Variants in NELL1 observed in about 807,000 individuals in gnomAD.
The protein encoded by NELL1 is neural EGFL like 1, also known as protein kinase C-binding protein NELL1.
NELL1 carries 76 observed loss-of-function variants against 107.4 expected under a neutral mutation model. The ratio of observed to expected loss-of-function variants is 0.71; its 90% CI spans 0.59 to 0.86. NELL1 has a LOEUF of 0.86. Among genes scored for constraint, NELL1 ranks in the 40% least tolerant of loss-of-function variants. The pLI, the probability that NELL1 is intolerant of heterozygous loss-of-function variation, is 0.00. For synonymous variants in NELL1, 353 were observed against 341.2 expected, an observed-to-expected ratio of 1.03 and a Z score of -0.38; for missense variants, 1,024 against 1,005.5, an observed-to-expected ratio of 1.02 and a Z score of -0.25.
intron 13 of NELL1, among the ~76,000 whole-genome samples, chr11:21,167,068 A>G (rs1465867166): frequency 1.3e-5 from 2 of 151,880 alleles, no homozygotes; most frequent in African/African-American, 2.4e-5. Flanking sequence ...GACTCAAGCA[A>G]CTGAAAAGTC....
chr11:20,962,407 A>G (rs968068789), intron 12 of NELL1, among the ~76,000 whole-genome samples: 1 of 152,174 alleles, frequency 6.6e-6, no homozygotes, highest in African/African-American at 2.4e-5. Flanking sequence ...ACGTCGAACA[A>G]TTATAAAAAT....
At chr11:20,966,233 C>T (rs2134222407) in intron 12 of NELL1, among the ~76,000 whole-genome samples, 1 of 152,110 alleles carries the variant, frequency 6.6e-6, no homozygotes, top group African/African-American at 2.4e-5. Context: ...TGGTGAGGGC[C>T]CTTTTGATTC....
chr11:21,512,400 G>A (rs551157477), intron 15 of NELL1, among the ~76,000 whole-genome samples: 1 of 152,178 alleles, frequency 6.6e-6, no homozygotes, highest in African/African-American at 2.4e-5. Context: ...TGTCATCCAA[G>A]GATTTTATTG....
At chr11:20,678,739 G>A (rs1854122764) in intron 2 of NELL1, among the ~76,000 whole-genome samples, 2 of 152,112 alleles carry the variant, frequency 1.3e-5, no homozygotes, top group Admixed American at 6.5e-5. Flanking sequence ...GGGATGGAAA[G>A]GCAGAAAAAT....
At position 20,762,776 on chromosome 11, in the gene NELL1, T is replaced by A. The variant is rs190856078; in HGVS notation, c.185-20904T>A. ...GTGGTTGATCAAAATATTGCTTTCCTGTTTTTTACATTTTTGTCTTTTTTA... is the reference window on the plus strand; with the variant it reads ...GTGGTTGATCAAAATATTGCTTTCCAGTTTTTTACATTTTTGTCTTTTTTA... On this transcript the variant is annotated intron_variant, in intron 2 of 19. Transcript: ENST00000357134. 1.8e-4 allele frequency among the ~76,000 whole-genome samples: 26 copies of A among 147,584 alleles called. 1 individual carries two copies. The East Asian group carries it at 4.2e-3, about 24-fold the overall frequency.
intron 13 of NELL1, among the ~76,000 whole-genome samples, chr11:21,120,380 AAT>A (rs796987084): frequency 9.8e-5 from 15 of 152,300 alleles, no homozygotes; most frequent in African/African-American, 3.4e-4. Context: ...AATATTTTCA[AAT>A]ATGAGATATC....
intron 3 of NELL1, among the ~76,000 whole-genome samples, chr11:20,846,501 C>G (rs546822882): frequency 3.3e-5 from 5 of 152,258 alleles, no homozygotes; most frequent in African/African-American, 7.2e-5. Context: ...GCTAATCGCT[C>G]TGGAGTTGAC....
intron 2 of NELL1, among the ~76,000 whole-genome samples, chr11:20,744,410 T>C (rs1287390763): frequency 2.0e-5 from 3 of 152,254 alleles, no homozygotes; most frequent in African/African-American, 7.2e-5. Flanking sequence ...CAGTCAGCTA[T>C]TGCTGTATAA....
intron 12 of NELL1, among the ~76,000 whole-genome samples, chr11:21,070,389 T>G (rs962973628): frequency 6.6e-6 from 1 of 152,060 alleles, no homozygotes; most frequent in Non-Finnish European, 1.5e-5. Flanking sequence ...AATCTAGAGT[T>G]TTTTATACTC....
chr11:21,443,064 CA>C (rs796934726), intron 15 of NELL1, among the ~76,000 whole-genome samples: 13 of 146,396 alleles, frequency 8.9e-5, no homozygotes, highest in African/African-American at 3.0e-4. Context: ...TTATTTGGCT[CA>C]CAGTTCTGGA....
chr11:21,192,216 A>G (rs1194827414), intron 13 of NELL1, among the ~76,000 whole-genome samples: 1 of 151,934 alleles, frequency 6.6e-6, no homozygotes, highest in Non-Finnish European at 1.5e-5. Context: ...TATTTAATTG[A>G]ACTAAAGATA....
chr11:20,875,498 G>A (rs1262778040), intron 4 of NELL1, among the ~76,000 whole-genome samples: 1 of 152,156 alleles, frequency 6.6e-6, no homozygotes, highest in Non-Finnish European at 1.5e-5. Context: ...GAACCCAAGA[G>A]TTTGAGACCC....
intron 12 of NELL1, among the ~76,000 whole-genome samples, chr11:20,975,897 C>T (rs1242259231): frequency 9.7e-6 from 1 of 102,724 alleles, no homozygotes; most frequent in African/African-American, 4.1e-5. Context: ...ATTATATATA[C>T]ATATATGTGT....
intron 15 of NELL1, among the ~76,000 whole-genome samples, chr11:21,444,033 A>G (rs1049930212): frequency 1.3e-5 from 2 of 152,052 alleles, no homozygotes; most frequent in African/African-American, 4.8e-5. Context: ...TAACTAAGAC[A>G]TTTTCTCTCT....
At chr11:20,927,749 A>G (rs1388016880) in intron 8 of NELL1, among the ~76,000 whole-genome samples, 1 of 152,176 alleles carries the variant, frequency 6.6e-6, no homozygotes, top group Non-Finnish European at 1.5e-5. Flanking sequence ...TTTTCAAACA[A>G]CCTAATGGTT....
chr11:20,973,274 A>G (rs1331622167), intron 12 of NELL1, among the ~76,000 whole-genome samples: 1 of 151,730 alleles, frequency 6.6e-6, no homozygotes, highest in Non-Finnish European at 1.5e-5. Flanking sequence ...ACCCCTGGCT[A>G]ATTTTGTATT....
At chr11:21,258,851 G>T (rs1427228592) in intron 14 of NELL1, among the ~76,000 whole-genome samples, 1 of 151,956 alleles carries the variant, frequency 6.6e-6, no homozygotes, top group Non-Finnish European at 1.5e-5. Context: ...AATTTGTGAA[G>T]CATAGGCAGA....
intron 4 of NELL1, among the ~76,000 whole-genome samples, chr11:20,860,058 T>C (rs1321336806): frequency 2.0e-5 from 3 of 152,200 alleles, no homozygotes; most frequent in Non-Finnish European, 2.9e-5. Flanking sequence ...TGCATTGGTT[T>C]CTGCCTTTTT....
intron 14 of NELL1, among the ~76,000 whole-genome samples, chr11:21,265,327 A>T (rs1031566211): frequency 3.3e-5 from 5 of 152,018 alleles, no homozygotes; most frequent in African/African-American, 1.2e-4. Context: ...CTTAGTGTAA[A>T]AATAGGGGTA....
Sources: gnomAD v4.1 joint callset for allele counts (sites outside exome capture counted in the v4.1 genomes callset) on GRCh38, gnomAD v4.1.1 for gene constraint, MANE v1.5 for transcripts, NCBI Gene and HGNC (gene_info 2026-07-23, HGNC 2026-07-21) for gene names.